Variants in ANO2 observed in about 807,000 individuals in gnomAD.
The protein encoded by ANO2 is anoctamin-2.
Under a neutral mutation model 124.2 loss-of-function variants are expected in ANO2, and 101 were observed. The ratio of observed to expected loss-of-function variants is 0.81; its 90% CI spans 0.69 to 0.96. ANO2 has a LOEUF of 0.96. Among genes scored for constraint, ANO2 ranks in the 40% least tolerant of loss-of-function variants. The pLI is 0.00. For synonymous variants in ANO2, 486 were observed against 482.5 expected (o/e 1.01, Z -0.09); for missense variants, 1,293 against 1,274.5 (o/e 1.01, Z -0.22).
chr12:5,820,341 G>T (rs184608728), intron 7 of ANO2, among the ~76,000 whole-genome samples: 4 of 152,312 alleles, frequency 2.6e-5, no homozygotes, highest in Non-Finnish European at 5.9e-5. Flanking sequence ...GCTCTGAGAT[G>T]ACGTTGATTC....
At chr12:5,644,599 T>C (rs1434836352) in intron 15 of ANO2, among the ~76,000 whole-genome samples, 1 of 152,236 alleles carries the variant, frequency 6.6e-6, no homozygotes, top group African/African-American at 2.4e-5. Flanking sequence ...CTCATGAGAA[T>C]TGGCATTATT....
chr12:5,695,635 G>C (rs147755514), intron 14 of ANO2, among the ~76,000 whole-genome samples: 165 of 152,298 alleles, frequency 1.1e-3, no homozygotes, highest in African/African-American at 3.8e-3. Flanking sequence ...GAGGTCAGGA[G>C]TTCGAAACCA....
At position 5,854,124 on chromosome 12, in the gene ANO2, G is replaced by A. The variant is rs1304595248; in HGVS notation, c.552C>T (p.Ser184=). The A allele has an allele frequency of 1.2e-6, 2 of 1,612,950 alleles. No individual in the cohort carries two copies. The highest frequency in any genetic ancestry group is 1.7e-6 in the Non-Finnish European group (2 of 1,179,258). Residue 184 remains serine (S), a synonymous_variant, in exon 4 of 25, where the codon TCC becomes TCT. Transcript: ENST00000682330. ...ACGGGGCGTGTATCCGGACAAAGATGGATCCCTGGCTTTTATTCTGCAAGG... is the reference window on the plus strand; with the variant it reads ...ACGGGGCGTGTATCCGGACAAAGATAGATCCCTGGCTTTTATTCTGCAAGG... ...EKDLENKSQG[S]IFVRIHAPWQ... is the part of the protein sequence containing the mutation.
chr12:5,666,001 G>A (rs536517423), intron 14 of ANO2, among the ~76,000 whole-genome samples: 1 of 152,250 alleles, frequency 6.6e-6, no homozygotes, highest in South Asian at 2.1e-4. Context: ...AAAATGCACA[G>A]CTTAATGTAA....
At chr12:5,736,388 T>G (rs934676548) in intron 13 of ANO2, among the ~76,000 whole-genome samples, 3 of 152,188 alleles carry the variant, frequency 2.0e-5, no homozygotes, top group African/African-American at 7.2e-5. Context: ...GCACCCTCCT[T>G]TCCCCTGGGA....
At chr12:5,578,339 G>A in intron 21 of ANO2, 27 bp downstream of exon 21, 1 of 1,607,442 alleles carries the variant, frequency 6.2e-7, no homozygotes, top group Non-Finnish European at 8.5e-7. Context: ...GGATGGGCCT[G>A]GTGGGGCCTC....
intron 3 of ANO2, among the ~76,000 whole-genome samples, chr12:5,882,407 T>G (rs1938564273): frequency 6.6e-6 from 1 of 152,218 alleles, no homozygotes; most frequent in Non-Finnish European, 1.5e-5. Context: ...TCTTCTCTAC[T>G]TGAGGAAGAG....
At chr12:5,756,959 C>G (rs376794291) in intron 10 of ANO2, among the ~76,000 whole-genome samples, 76 of 152,322 alleles carry the variant, frequency 5.0e-4, no homozygotes, top group Admixed American at 1.6e-3. Flanking sequence ...GGGCAGAGTT[C>G]CTTATGAGCA....
At chr12:5,654,558 C>T (rs544997397) in intron 14 of ANO2, among the ~76,000 whole-genome samples, 1 of 152,232 alleles carries the variant, frequency 6.6e-6, no homozygotes, top group South Asian at 2.1e-4. Flanking sequence ...TTGGGGGGCA[C>T]ACCATTCAGC....
intron 23 of ANO2, among the ~76,000 whole-genome samples, chr12:5,571,128 C>A (rs986071520): frequency 6.6e-6 from 1 of 152,212 alleles, no homozygotes. Flanking sequence ...GGATGCTCAA[C>A]AAACACCTCC....
chr12:5,790,576 A>T (rs1365126519), intron 10 of ANO2, among the ~76,000 whole-genome samples: 1 of 151,820 alleles, frequency 6.6e-6, no homozygotes, highest in African/African-American at 2.4e-5. Flanking sequence ...CTATGTCGTA[A>T]GTCTCATTTT....
rs192306566 is a variant in ANO2 at position 5,623,023 on chromosome 12, G to C, written c.1817-7726C>G. ...AGGAAAGAAATGAAGAAATGGAATG[G>C]AGCAAGTGTTTCCAGAGGCCAGGTG... On this transcript the variant is annotated intron_variant, in intron 16 of 24. Transcript: ENST00000682330. Among the ~76,000 whole-genome samples the C allele has an allele frequency of 4.0e-5, 6 of 151,768 alleles. No homozygotes were observed. In the East Asian group the frequency reaches 1.2e-3, roughly 29 times the overall value.
chr12:5,701,086 A>AGT (rs1172705628), intron 14 of ANO2, among the ~76,000 whole-genome samples: 3 of 63,708 alleles, frequency 4.7e-5, no homozygotes, highest in Non-Finnish European at 9.6e-5. Flanking sequence ...AGTCATTTTC[A>AGT]ATTTTTTTTT....
At position 5,745,222 on chromosome 12, in the gene ANO2, A is replaced by G. The variant is rs528189099; in HGVS notation, c.1191-905T>C. 3.9e-5 allele frequency among the ~76,000 whole-genome samples: 6 copies of G among 152,330 alleles called. No homozygotes were observed. The South Asian group carries it at 1.2e-3, about 32-fold the overall frequency. On this transcript the variant is annotated intron_variant, in intron 11 of 24. Coordinates refer to ENST00000682330, the MANE Select transcript of ANO2 (RefSeq NM_001364791.2). ...TGACTGACTTTCCCAATAACCCTCT[A>G]TACCATACACTGATAGGAAAAATGA...
At chr12:5,827,885 C>T (rs934774581) in intron 6 of ANO2, 65 bp from the exon 7 acceptor site, 3 of 1,546,714 alleles carry the variant, frequency 1.9e-6, no homozygotes, top group Middle Eastern at 1.7e-4. Flanking sequence ...CGTGTGTCAC[C>T]CTCACCACTG....
chr12:5,745,773 A>G (rs1951248290), intron 11 of ANO2, among the ~76,000 whole-genome samples: 1 of 152,214 alleles, frequency 6.6e-6, no homozygotes, highest in African/African-American at 2.4e-5. Context: ...GCAAAGGTCA[A>G]TAAAAATGAC....
At position 5,566,365 on chromosome 12, in the gene ANO2, C is replaced by G. The variant is rs559365111; in HGVS notation, c.2622-702G>C. On this transcript the variant is annotated intron_variant, in intron 23 of 24. Transcript: ENST00000682330. ...GTGATTTCATGCCTCTTTCTCAGAC[C>G]CATAGAGAAGCCTTGGGTTTTCCCT... Among the ~76,000 whole-genome samples, 4 of 152,254 alleles carry G rather than the reference C, an allele frequency of 2.6e-5. No individual in the cohort carries two copies. The South Asian group carries it at 8.3e-4, about 32-fold the overall frequency.
chr12:5,667,296 A>G (rs1208311063), intron 14 of ANO2, among the ~76,000 whole-genome samples: 2 of 142,858 alleles, frequency 1.4e-5, no homozygotes, highest in East Asian at 4.2e-4. Context: ...AAGTTCCCAC[A>G]CTTCACAGTT....
chr12:5,825,688 G>A (rs960091783), intron 7 of ANO2, among the ~76,000 whole-genome samples: 2 of 152,206 alleles, frequency 1.3e-5, no homozygotes, highest in African/African-American at 4.8e-5. Context: ...CCATCAAGAT[G>A]AAATCAGTCT....
Sources: gnomAD v4.1 joint callset for allele counts (sites outside exome capture counted in the v4.1 genomes callset) on GRCh38, gnomAD v4.1.1 for gene constraint, MANE v1.5 for transcripts, NCBI Gene and HGNC (gene_info 2026-07-23, HGNC 2026-07-21) for gene names.